The following PARD3B variants were observed in gnomAD, a reference collection of about 807,000 sequenced individuals.
The protein encoded by PARD3B is partitioning defective 3 homolog B.
PARD3B carries 103 observed loss-of-function variants against 130.2 expected under a neutral mutation model. The observed-to-expected ratio is 0.79, with a 90% CI of 0.67 to 0.93. PARD3B has a LOEUF of 0.93. PARD3B is among the 40% of genes least tolerant of loss of function. PARD3B has a pLI of 0.00. For missense variants in PARD3B, 1,609 were observed against 1,499.2 expected (o/e 1.07, Z -1.21); for synonymous variants, 583 against 553.2 (o/e 1.05, Z -0.76).
At chr2:204,674,899 CTG>C (rs1217929958) in intron 1 of PARD3B, among the ~76,000 whole-genome samples, 1 of 152,142 alleles carries the variant, frequency 6.6e-6, no homozygotes, top group Non-Finnish European at 1.5e-5. Context: ...ATTAAGTAAA[CTG>C]TGAGTTGTAC....
chr2:204,906,218 A>G lies in PARD3B; in HGVS notation c.223-58934A>G, dbSNP rs1433253349. On this transcript the variant is annotated intron_variant, in intron 2 of 22. Transcript: ENST00000406610. This position sits in a 1 kb window ranked among gnomAD's most constrained non-coding sequence, Gnocchi z 4.3. Reference sequence around the variant, plus strand: ...TAGAAGTCATGGTAACTATTTGTCAAAAAGTAAAATGAACCCAGCTCTCTC... The same window carrying G: ...TAGAAGTCATGGTAACTATTTGTCAGAAAGTAAAATGAACCCAGCTCTCTC... 6.6e-6 allele frequency among the ~76,000 whole-genome samples: 1 copy of G among 152,190 alleles called. No homozygotes were observed. Among genetic ancestry groups the G allele is most frequent in the Admixed American group, 6.5e-5 (1 of 15,284 alleles).
At chr2:204,601,707 A>T (rs2033522295) in intron 1 of PARD3B, among the ~76,000 whole-genome samples, 1 of 151,970 alleles carries the variant, frequency 6.6e-6, no homozygotes, top group Non-Finnish European at 1.5e-5. Flanking sequence ...TGTCACTGTT[A>T]TCCCAGGAAT....
chr2:205,160,461 G>A lies in PARD3B; in HGVS notation c.1620+1554G>A, dbSNP rs537390883. Among the ~76,000 whole-genome samples, 1 of 152,286 alleles carries A rather than the reference G, an allele frequency of 6.6e-6. No homozygotes were observed. Among genetic ancestry groups the A allele is most frequent in the South Asian group, 2.1e-4 (1 of 4,832 alleles). The stretch of plus-strand genomic sequence containing the variant: ...TCCGCGGGCTCCAAGCTAGCACACT[G>A]TCACCCCACACATAGGCCACTGGTC... On this transcript the variant is annotated intron_variant, in intron 11 of 22. Transcript: ENST00000406610. The surrounding 1 kb of genome is among the most constrained non-coding windows in gnomAD (Gnocchi z 4.0).
chr2:204,800,383 C>T (rs577367761), intron 2 of PARD3B, among the ~76,000 whole-genome samples: 5 of 151,964 alleles, frequency 3.3e-5, no homozygotes, highest in East Asian at 3.9e-4. Context: ...TCTAGAAAGT[C>T]GCCTCAAAAG....
At chr2:204,686,577 G>C (rs74601018) in intron 2 of PARD3B, among the ~76,000 whole-genome samples, 2 of 152,136 alleles carry the variant, frequency 1.3e-5, no homozygotes, top group Admixed American at 6.6e-5. Flanking sequence ...CATCATTGTC[G>C]TTGCTGGCTC....
chr2:204,865,476 C>T (rs956211176), intron 2 of PARD3B, among the ~76,000 whole-genome samples: 8 of 152,298 alleles, frequency 5.3e-5, no homozygotes, highest in Admixed American at 6.5e-5. Context: ...GAAATAATGG[C>T]ATTCACAGCC....
chr2:204,865,049 G>A (rs901885493), intron 2 of PARD3B, among the ~76,000 whole-genome samples: 4 of 152,006 alleles, frequency 2.6e-5, no homozygotes, highest in African/African-American at 9.7e-5. Context: ...AATTATCAGG[G>A]AAATGCAAAT....
chr2:204,934,800 A>T (rs757522709), intron 2 of PARD3B, among the ~76,000 whole-genome samples: 21 of 152,210 alleles, frequency 1.4e-4, no homozygotes, highest in Non-Finnish European at 1.8e-4. Flanking sequence ...TTTATTAGTC[A>T]GTTTGATAAT....
At chr2:205,547,532 C>G (rs2052430805) in intron 21 of PARD3B, among the ~76,000 whole-genome samples, 2 of 152,152 alleles carry the variant, frequency 1.3e-5, no homozygotes, top group East Asian at 3.9e-4. Flanking sequence ...CCAAGCCACA[C>G]TCCAGAACTG....
chr2:204,580,513 A>G (rs185315047), intron 1 of PARD3B, among the ~76,000 whole-genome samples: 2 of 152,298 alleles, frequency 1.3e-5, no homozygotes, highest in Non-Finnish European at 2.9e-5. Flanking sequence ...CTTGTTATGG[A>G]GGTAGCTAGA....
chr2:205,544,950 C>T (rs949007131), intron 21 of PARD3B, among the ~76,000 whole-genome samples: 1 of 152,144 alleles, frequency 6.6e-6, no homozygotes, highest in Non-Finnish European at 1.5e-5. Flanking sequence ...AAGACTTATC[C>T]AAGAGTTCCT....
chr2:205,310,360 T>G (rs1259709569), intron 18 of PARD3B, among the ~76,000 whole-genome samples: 1 of 151,748 alleles, frequency 6.6e-6, no homozygotes, highest in African/African-American at 2.4e-5. Flanking sequence ...TGCTGGGAAA[T>G]CTACTCTTTT....
chr2:205,100,882 A>G (rs1038354625), intron 4 of PARD3B, among the ~76,000 whole-genome samples: 5 of 152,172 alleles, frequency 3.3e-5, no homozygotes, highest in Non-Finnish European at 7.4e-5. Flanking sequence ...ACACCGTATA[A>G]GATTCTTATA....
intron 2 of PARD3B, among the ~76,000 whole-genome samples, chr2:204,922,984 C>T (rs2047741505): frequency 6.6e-6 from 1 of 152,060 alleles, no homozygotes; most frequent in African/African-American, 2.4e-5. Flanking sequence ...TTGTAGGACT[C>T]CATTTATTGC....
Position 205,421,125 on chromosome 2 carries a change from A to G in PARD3B, c.2742-19245A>G, listed in dbSNP as rs1342589047. Among the ~76,000 whole-genome samples, 2 of 151,362 alleles carry G rather than the reference A, an allele frequency of 1.3e-5. No individual in the cohort carries two copies. The highest frequency in any genetic ancestry group is 4.2e-4 in the South Asian group (2 of 4,796). On this transcript the variant is annotated intron_variant, in intron 19 of 22. Transcript: ENST00000406610. The surrounding 1 kb of genome is among the most constrained non-coding windows in gnomAD (Gnocchi z 5.1). ...CAGCCTGGTAACAGAGCAAGACTCC[A>G]TCTCAAAAAACAAAAAAAACAAAAC...
At chr2:205,542,885 T>A (rs1370960110) in intron 21 of PARD3B, among the ~76,000 whole-genome samples, 24 of 152,224 alleles carry the variant, frequency 1.6e-4, no homozygotes, top group Admixed American at 1.6e-3. Context: ...CAGGACTGTG[T>A]AAACAAAAGA....
At chr2:204,869,844 T>C (rs1194124969) in intron 2 of PARD3B, among the ~76,000 whole-genome samples, 1 of 152,180 alleles carries the variant, frequency 6.6e-6, no homozygotes, top group African/African-American at 2.4e-5. Flanking sequence ...TTTAAAGATA[T>C]GTGTCTGGTG....
At chr2:205,203,589 C>T (rs2037110097) in intron 15 of PARD3B, among the ~76,000 whole-genome samples, 1 of 152,118 alleles carries the variant, frequency 6.6e-6, no homozygotes, top group African/African-American at 2.4e-5. Context: ...TCTCCTAAGA[C>T]TATCCCTCCC....
At chr2:205,580,723 A>G (rs2053932790) in intron 22 of PARD3B, among the ~76,000 whole-genome samples, 1 of 152,228 alleles carries the variant, frequency 6.6e-6, no homozygotes, top group African/African-American at 2.4e-5. Flanking sequence ...TGATAGTCAT[A>G]TAAGAGAGAT....
Sources: allele counts gnomAD v4.1 joint callset (sites outside exome capture counted in the v4.1 genomes callset), GRCh38; gene constraint gnomAD v4.1.1; non-coding constraint Gnocchi (gnomAD v3.1); transcripts MANE v1.5; gene names NCBI Gene and HGNC (gene_info 2026-07-23, HGNC 2026-07-21).